The following AQP7B variants were observed in gnomAD, a reference collection of about 807,000 sequenced individuals.
AQP7B encodes the protein putative aquaporin-7B.
the AQP7B span, among the ~76,000 whole-genome samples, chr2:94,596,769 A>G: frequency 3.0e-4 from 46 of 152,262 alleles, no homozygotes; most frequent in African/African-American, 9.6e-4. Context: ...GTACGATCTC[A>G]GCTCACTGCA....
the AQP7B span, among the ~76,000 whole-genome samples, chr2:94,599,023 C>T: frequency 1.6e-4 from 25 of 152,184 alleles, 1 homozygote; most frequent in South Asian, 4.8e-3. Context: ...AGGCAGGTCT[C>T]GAACTCCTGA....
chr2:94,591,880 A>G, the AQP7B span, among the ~76,000 whole-genome samples: 7 of 152,206 alleles, frequency 4.6e-5, no homozygotes, highest in South Asian at 1.5e-3. Context: ...CATGCCCCAC[A>G]GTGCCCACTC....
the AQP7B span, chr2:94,594,954 C>T: frequency 1.0e-5 from 8 of 803,074 alleles, no homozygotes; most frequent in Non-Finnish European, 1.4e-5. Context: ...CCCCATGGGT[C>T]ACATTGTCCA....
the AQP7B span, among the ~76,000 whole-genome samples, chr2:94,593,034 C>T: frequency 6.6e-6 from 1 of 151,712 alleles, no homozygotes; most frequent in Non-Finnish European, 1.5e-5. Flanking sequence ...TGTCATACTG[C>T]CCAGGCTGGT....
At chr2:94,591,513 C>T in the AQP7B span, among the ~76,000 whole-genome samples, 2 of 152,176 alleles carry the variant, frequency 1.3e-5, no homozygotes, top group African/African-American at 4.8e-5. Flanking sequence ...CCTGCCTCCA[C>T]TCCACTTCCT....
At chr2:94,604,552 C>T in the AQP7B span, 44 of 1,605,684 alleles carry the variant, frequency 2.7e-5, no homozygotes, top group Admixed American at 7.2e-4. Flanking sequence ...TACATGAATC[C>T]ATGGCCCTAG....
chr2:94,600,756 A>G, the AQP7B span, among the ~76,000 whole-genome samples: 1 of 151,998 alleles, frequency 6.6e-6, no homozygotes, highest in African/African-American at 2.4e-5. Flanking sequence ...GCGTGCACCT[A>G]CAATCTCAAC....
chr2:94,588,637 C>A, the AQP7B span: 3 of 802,482 alleles, frequency 3.7e-6, no homozygotes, highest in Non-Finnish European at 4.1e-6. Flanking sequence ...TCAGCCTCTC[C>A]CTTGGGGCAG....
the AQP7B span, chr2:94,603,358 C>T: frequency 1.9e-6 from 3 of 1,587,388 alleles, no homozygotes; most frequent in East Asian, 2.2e-5. Flanking sequence ...GGGGCAGGTT[C>T]GCATGATAGT....
chr2:94,595,792 G>T, the AQP7B span, among the ~76,000 whole-genome samples: 1 of 152,262 alleles, frequency 6.6e-6, no homozygotes, highest in East Asian at 1.9e-4. Context: ...CTGTTCTGGA[G>T]CACGGGGCCC....
the AQP7B span, chr2:94,603,087 G>C: frequency 9.4e-6 from 15 of 1,589,490 alleles, no homozygotes; most frequent in South Asian, 1.6e-4. Flanking sequence ...GCTGGGCCGC[G>C]TGCCCTGGAG....
At chr2:94,596,500 C>T in the AQP7B span, among the ~76,000 whole-genome samples, 12 of 152,254 alleles carry the variant, frequency 7.9e-5, no homozygotes, top group South Asian at 2.1e-4. Context: ...GAGAGGAAAT[C>T]GGAACACCAG....
At chr2:94,591,391 C>G in the AQP7B span, among the ~76,000 whole-genome samples, 1 of 152,270 alleles carries the variant, frequency 6.6e-6, no homozygotes, top group African/African-American at 2.4e-5. Flanking sequence ...CCTCTCTAAC[C>G]GAACACCAAG....
At chr2:94,602,584 C>A in the AQP7B span, 1 of 1,598,314 alleles carries the variant, frequency 6.3e-7, no homozygotes, top group Non-Finnish European at 8.6e-7. Context: ...TCGGGGTCAC[C>A]ATGGGAGTCC....
At chr2:94,589,987 C>A in the AQP7B span, among the ~76,000 whole-genome samples, 1 of 152,178 alleles carries the variant, frequency 6.6e-6, no homozygotes, top group Non-Finnish European at 1.5e-5. Context: ...CATGTCAGGC[C>A]ACCACCCGCC....
chr2:94,603,756 G>C, the AQP7B span: 1 of 1,521,854 alleles, frequency 6.6e-7, no homozygotes, highest in Non-Finnish European at 8.9e-7. Context: ...TCACCATCAC[G>C]GACCAGGAGA....
the AQP7B span, among the ~76,000 whole-genome samples, chr2:94,597,246 C>A: frequency 6.6e-6 from 1 of 152,176 alleles, no homozygotes; most frequent in African/African-American, 2.4e-5. Context: ...ATTCACTTAC[C>A]ACAAGACATT....
chr2:94,588,390 T>C, the AQP7B span: 1 of 618,792 alleles, frequency 1.6e-6, no homozygotes, highest in South Asian at 1.9e-5. Flanking sequence ...GGAGTGGCAC[T>C]AGCAGGAGCT....
chr2:94,595,883 G>A, the AQP7B span, among the ~76,000 whole-genome samples: 1 of 152,180 alleles, frequency 6.6e-6, no homozygotes, highest in East Asian at 1.9e-4. Flanking sequence ...GCTCAGGAGA[G>A]GCTTGGTCTG....
Sources: allele counts gnomAD v4.1 joint callset (sites outside exome capture counted in the v4.1 genomes callset), GRCh38; gene constraint gnomAD v4.1.1; transcripts MANE v1.5; gene names NCBI Gene and HGNC (gene_info 2026-07-23, HGNC 2026-07-21).